Variants in UPP2 observed in about 807,000 individuals in gnomAD.
The protein encoded by UPP2 is uridine phosphorylase 2, also known as UPase 2.
UPP2 carries 23 observed loss-of-function variants against 26.7 expected under a neutral mutation model. That is an observed-to-expected ratio of 0.86 (90% CI 0.62 to 1.22). The LOEUF is 1.22. Among genes scored for constraint, UPP2 ranks in the 50% most tolerant of loss-of-function variants. The pLI, the probability that UPP2 is intolerant of heterozygous loss-of-function variation, is 0.00. For synonymous variants in UPP2, 127 were observed against 141.3 expected (o/e 0.90, Z 0.72); for missense variants, 387 against 396.7 (o/e 0.98, Z 0.21).
At chr2:158,050,388 G>GT (rs67366549) in intron 3 of UPP2, among the ~76,000 whole-genome samples, 14,360 of 147,122 alleles carry the variant, frequency 0.098, 1,513 homozygotes, top group African/African-American at 0.26. Flanking sequence ...GGATTATTTA[G>GT]TTTTTTTTTT....
chr2:158,068,498 C>T (rs933961255), intron 3 of UPP2, among the ~76,000 whole-genome samples: 1 of 151,896 alleles, frequency 6.6e-6, no homozygotes, highest in African/African-American at 2.4e-5. Flanking sequence ...AAAATCACCA[C>T]TAAAGGAAAG....
chr2:158,104,425 T>C (rs1452564068), intron 1 of UPP2, among the ~76,000 whole-genome samples: 3 of 152,048 alleles, frequency 2.0e-5, no homozygotes, highest in African/African-American at 7.2e-5. Flanking sequence ...CAAAGATCAT[T>C]TGAGATTTTA....
chr2:158,106,071 ATCT>A, intron 1 of UPP2, 25 bp from the exon 2 acceptor site: 3 of 1,502,114 alleles, frequency 2.0e-6, no homozygotes, highest in Non-Finnish European at 2.7e-6. Context: ...ATTCTTTTAT[ATCT>A]TCTTTGTATA....
chr2:158,120,425 C>T (rs1683539660), intron 4 of UPP2, among the ~76,000 whole-genome samples: 1 of 151,998 alleles, frequency 6.6e-6, no homozygotes. Context: ...TTTGTGAAAA[C>T]ATTCACTCAT....
At chr2:158,024,336 A>G (rs562209210) in intron 3 of UPP2, among the ~76,000 whole-genome samples, 40 of 152,292 alleles carry the variant, frequency 2.6e-4, no homozygotes, top group African/African-American at 6.7e-4. Context: ...CTTGCCCCCA[A>G]ACTGCCAGGA....
intron 3 of UPP2, among the ~76,000 whole-genome samples, chr2:158,047,752 A>G (rs904519877): frequency 1.3e-5 from 2 of 152,162 alleles, no homozygotes; most frequent in Non-Finnish European, 2.9e-5. Context: ...CCTTTATCCT[A>G]TTGCCACAGT....
rs1683477740 is a variant in UPP2 at position 158,005,726 on chromosome 2, G to A, written c.62-10075G>A. Among the ~76,000 whole-genome samples the A allele has an allele frequency of 3.3e-5, 5 of 152,180 alleles. No homozygotes were observed. In the South Asian group the frequency reaches 1.0e-3, roughly 32 times the overall value. The stretch of plus-strand genomic sequence containing the variant: ...ATAAAAACTTTACTAAGTGCCAATG[G>A]AATCAAGTTGAGTGCTTGACACTGC... On this transcript the variant is annotated intron_variant, in intron 2 of 9. Transcript: ENST00000605860.
intron 3 of UPP2, among the ~76,000 whole-genome samples, chr2:158,086,858 T>A (rs1682825611): frequency 6.6e-6 from 1 of 152,164 alleles, no homozygotes; most frequent in Non-Finnish European, 1.5e-5. Flanking sequence ...GAAAGAGTAC[T>A]TGATATAATT....
At chr2:158,035,970 G>A (rs1015481489) in intron 3 of UPP2, among the ~76,000 whole-genome samples, 1 of 152,154 alleles carries the variant, frequency 6.6e-6, no homozygotes, top group Admixed American at 6.5e-5. Flanking sequence ...GTGTCAAATA[G>A]TTGGCCAAAA....
chr2:157,998,117 T>C (rs1427370069), intron 2 of UPP2, among the ~76,000 whole-genome samples: 1 of 152,142 alleles, frequency 6.6e-6, no homozygotes, highest in Non-Finnish European at 1.5e-5. Context: ...CTCATGCAAC[T>C]GGAGGTGGTT....
Position 158,135,065 on chromosome 2 carries a change from CTAAAT to C in UPP2, c.*182_*186del. The C allele has an allele frequency of 1.4e-6, 1 of 715,878 alleles. No individual in the cohort carries two copies. Among genetic ancestry groups the C allele is most frequent in the East Asian group, 3.3e-5 (1 of 29,900 alleles). The allele number at this position is 715,878 out of a possible 1,614,324, so 44.3% of individuals were successfully genotyped here. A position where few individuals can be genotyped will look rare whatever the true frequency, so the allele number is the denominator to read the frequency against. ...AATTTATTGTAAAAGAATACTCACA[CTAAAT>C]TAAATTCAAATTTCATTTTAGAATA... is the stretch of plus-strand genomic sequence containing the variant. On this transcript the variant is annotated 3_prime_UTR_variant, in exon 7 of 7. Transcript: ENST00000005756.
rs551288745 is a variant in UPP2 at position 158,062,585 on chromosome 2, C to A, written c.148-39455C>A. Among the ~76,000 whole-genome samples the A allele has an allele frequency of 2.0e-5, 3 of 152,294 alleles. No individual in the cohort carries two copies. In the South Asian group the frequency reaches 6.2e-4, roughly 32 times the overall value. On this transcript the variant is annotated intron_variant, in intron 3 of 9. Coordinates refer to the UPP2 transcript ENST00000605860. Reference sequence around the variant, plus strand: ...TAATGTCCAGCACTATCTACCCTACCCCAATGTTTGACCCAAGGATAGGAC... The same window carrying A: ...TAATGTCCAGCACTATCTACCCTACACCAATGTTTGACCCAAGGATAGGAC...
Position 158,129,713 on chromosome 2 carries a change from T to TAA in UPP2, c.812-5025_812-5024dup, listed in dbSNP as rs35346642. On this transcript the variant is annotated intron_variant, in intron 6 of 6. Coordinates refer to ENST00000005756, the MANE Select transcript of UPP2 (RefSeq NM_173355.4). Reference sequence around the variant, plus strand: ...CATAATAATATAATTTAAACAGAGGTAAAAAAAAAAATAGGAGGCATTTAT... The same window carrying TAA: ...CATAATAATATAATTTAAACAGAGGTAAAAAAAAAAAAATAGGAGGCATTTAT... Among the ~76,000 whole-genome samples the TAA allele has an allele frequency of 5.0e-3, 735 of 146,374 alleles. 3 individuals carry two copies. The highest frequency in any genetic ancestry group is 0.014 in the African/African-American group (575 of 39,686).
intron 3 of UPP2, among the ~76,000 whole-genome samples, chr2:158,027,940 G>A (rs1180832025): frequency 6.6e-6 from 1 of 152,176 alleles, no homozygotes; most frequent in Non-Finnish European, 1.5e-5. Context: ...GGAGTGACTG[G>A]GATGCAGGGC....
chr2:158,010,753 C>G lies in UPP2; in HGVS notation c.62-5048C>G, dbSNP rs1453464712. Among the ~76,000 whole-genome samples the G allele has an allele frequency of 1.1e-4, 14 of 125,362 alleles. No individual in the cohort carries two copies. In the Admixed American group the frequency reaches 1.4e-3, roughly 12 times the overall value. 82.2% of individuals were successfully genotyped at this position (125,362 alleles called of 152,430 possible). On this transcript the variant is annotated intron_variant, in intron 2 of 9. Coordinates refer to the UPP2 transcript ENST00000605860. ...CCCTCCAATGAGAGCATCATTAGCT[C>G]CCTCTTTTTCTTTTTTTTTTTTTTT...
Position 158,034,866 on chromosome 2 carries a change from G to C in UPP2, c.147+18980G>C, listed in dbSNP as rs138548975. On this transcript the variant is annotated intron_variant, in intron 3 of 9. Coordinates refer to the UPP2 transcript ENST00000605860. The stretch of plus-strand genomic sequence containing the variant: ...GGTCACTGTGGAAAGGTCACTGTCA[G>C]TCCAGCCTGGAGAACTCTTTTCTGA... Among the ~76,000 whole-genome samples, 300 of 152,242 alleles carry C rather than the reference G, an allele frequency of 2.0e-3. 1 individual carries two copies. Among genetic ancestry groups the C allele is most frequent in the Non-Finnish European group, 3.1e-3 (213 of 68,004 alleles).
chr2:158,070,002 C>T (rs1464484016), intron 3 of UPP2, among the ~76,000 whole-genome samples: 1 of 152,082 alleles, frequency 6.6e-6, no homozygotes. Flanking sequence ...CCTAATCACC[C>T]CCCAAAGGCC....
At chr2:158,072,842 A>G (rs1337905415) in intron 3 of UPP2, among the ~76,000 whole-genome samples, 1 of 152,198 alleles carries the variant, frequency 6.6e-6, no homozygotes, top group Admixed American at 6.5e-5. Context: ...AATACCTGGA[A>G]AGCCTTTCCA....
At chr2:158,112,969 G>T (rs1157566464) in intron 2 of UPP2, among the ~76,000 whole-genome samples, 1 of 152,158 alleles carries the variant, frequency 6.6e-6, no homozygotes, top group Non-Finnish European at 1.5e-5. Context: ...CATAAACACA[G>T]TAAGTGTCAC....
Sources: allele counts gnomAD v4.1 joint callset (sites outside exome capture counted in the v4.1 genomes callset), GRCh38; gene constraint gnomAD v4.1.1; transcripts MANE v1.5; gene names NCBI Gene and HGNC (gene_info 2026-07-23, HGNC 2026-07-21).